Variants in RORA observed in about 807,000 individuals in gnomAD.
RORA encodes the protein nuclear receptor ROR-alpha.
A neutral mutation model predicts 69.5 loss-of-function variants in RORA; 7 were observed. The observed-to-expected ratio is 0.10, with a 90% confidence interval of 0.06 to 0.19. The LOEUF is 0.19. RORA is among the 10% of genes least tolerant of loss of function. RORA has a pLI of 1.00. For synonymous variants in RORA, 261 were observed against 240.8 expected (o/e 1.08, Z -0.78); for missense variants, 457 against 663.0 (o/e 0.69, Z 3.41).
At chr15:61,047,288 G>A (rs1018745711) in intron 1 of RORA, among the ~76,000 whole-genome samples, 5 of 152,236 alleles carry the variant, frequency 3.3e-5, no homozygotes, top group African/African-American at 1.2e-4. Flanking sequence ...TTGCCACACA[G>A]GATTAGGAAA....
At chr15:60,994,780 C>A (rs938158666) in intron 1 of RORA, among the ~76,000 whole-genome samples, 2 of 152,198 alleles carry the variant, frequency 1.3e-5, no homozygotes, top group South Asian at 4.1e-4. Flanking sequence ...TCTTTCAGGT[C>A]CTTCCATGCC....
chr15:61,124,972 A>G (rs2079131337), intron 1 of RORA, among the ~76,000 whole-genome samples: 1 of 152,140 alleles, frequency 6.6e-6, no homozygotes, highest in Non-Finnish European at 1.5e-5. Context: ...ACCCATTCTT[A>G]TTCCACCCCT....
chr15:61,093,724 C>T (rs1190370144), intron 1 of RORA, among the ~76,000 whole-genome samples: 1 of 152,150 alleles, frequency 6.6e-6, no homozygotes, highest in Non-Finnish European at 1.5e-5. Context: ...TTCTCATGAC[C>T]CATAACTCGA....
rs2141246298 is a variant in RORA, at chr15:60,497,272, A to C, written c.*183T>G. 1 of 555,402 alleles carries C rather than the reference A, an allele frequency of 1.8e-6. No homozygotes were observed. Among genetic ancestry groups the C allele is most frequent in the East Asian group, 2.9e-5 (1 of 34,498 alleles). The allele number at this position is 555,402 out of a possible 1,614,324, so 34.4% of individuals were successfully genotyped here. A position where few individuals can be genotyped will look rare whatever the true frequency, so the allele number is the denominator to read the frequency against. ...AATGGAAATCATATGCATGAGAAAAACAAGTTCAACTTTTATTTGTTTTCA... is the reference window on the plus strand; with the variant it reads ...AATGGAAATCATATGCATGAGAAAACCAAGTTCAACTTTTATTTGTTTTCA... On this transcript the variant is annotated 3_prime_UTR_variant, in exon 11 of 11. Transcript: ENST00000335670.
intron 2 of RORA, among the ~76,000 whole-genome samples, chr15:60,604,436 T>C (rs2068898744): frequency 6.6e-6 from 1 of 152,234 alleles, no homozygotes. Context: ...TGCCATTCTA[T>C]GGTCTAAGTT....
At chr15:60,547,165 A>G (rs975958768) in intron 2 of RORA, among the ~76,000 whole-genome samples, 7 of 152,276 alleles carry the variant, frequency 4.6e-5, no homozygotes, top group African/African-American at 1.7e-4. Flanking sequence ...TTTTCTTCCA[A>G]CAAATTCACT....
intron 2 of RORA, among the ~76,000 whole-genome samples, chr15:60,641,896 A>G (rs2069951275): frequency 6.6e-6 from 1 of 152,200 alleles, no homozygotes; most frequent in South Asian, 2.1e-4. Flanking sequence ...TATATTTTGC[A>G]TGTCAAGTAT....
intron 1 of RORA, among the ~76,000 whole-genome samples, chr15:60,895,392 G>A (rs1891203980): frequency 6.6e-6 from 1 of 152,180 alleles, no homozygotes; most frequent in African/African-American, 2.4e-5. Flanking sequence ...CTCCTTTAGA[G>A]CAAACCAAAG....
At chr15:60,741,614 T>G (rs1310956816) in intron 1 of RORA, among the ~76,000 whole-genome samples, 1 of 152,202 alleles carries the variant, frequency 6.6e-6, no homozygotes, top group Non-Finnish European at 1.5e-5. Context: ...GGTTTACACC[T>G]GGGCCATTAG....
At chr15:60,516,173 T>G (rs868248196) in intron 3 of RORA, among the ~76,000 whole-genome samples, 1 of 34,724 alleles carries the variant, frequency 2.9e-5, no homozygotes, top group Non-Finnish European at 5.1e-5. Flanking sequence ...ATATATATAT[T>G]TATATATATA....
At chr15:61,000,857 C>T (rs1894722576) in intron 1 of RORA, among the ~76,000 whole-genome samples, 1 of 152,298 alleles carries the variant, frequency 6.6e-6, no homozygotes, top group East Asian at 1.9e-4. Flanking sequence ...CAGCTTGTCA[C>T]TATCATGTGG....
intron 1 of RORA, among the ~76,000 whole-genome samples, chr15:60,894,752 G>T (rs1015366718): frequency 6.6e-6 from 1 of 152,188 alleles, no homozygotes; most frequent in African/African-American, 2.4e-5. Flanking sequence ...TGCTGGCCTG[G>T]GGAACCATGC....
At chr15:61,079,085 T>C (rs2078498350) in intron 1 of RORA, among the ~76,000 whole-genome samples, 1 of 152,002 alleles carries the variant, frequency 6.6e-6, no homozygotes, top group South Asian at 2.1e-4. Context: ...CAAAACTCCC[T>C]TACTAACCAA....
chr15:60,639,383 T>G (rs2069900618), intron 2 of RORA, among the ~76,000 whole-genome samples: 1 of 152,130 alleles, frequency 6.6e-6, no homozygotes, highest in African/African-American at 2.4e-5. Flanking sequence ...CCATCGAAGC[T>G]TCAACGGGAC....
intron 2 of RORA, among the ~76,000 whole-genome samples, chr15:60,590,163 C>T (rs867439992): frequency 7.1e-6 from 1 of 140,298 alleles, no homozygotes; most frequent in African/African-American, 2.8e-5. Context: ...CATTCTCTCT[C>T]CCTCTTCCTC....
chr15:60,821,819 C>T (rs532845585), intron 1 of RORA, among the ~76,000 whole-genome samples: 26 of 152,292 alleles, frequency 1.7e-4, no homozygotes, highest in South Asian at 1.2e-3. Context: ...TTTTATTAAT[C>T]CCATGTGAAT....
intron 1 of RORA, among the ~76,000 whole-genome samples, chr15:61,117,171 A>C (rs2079057933): frequency 7.1e-6 from 1 of 140,170 alleles, no homozygotes; most frequent in Non-Finnish European, 1.5e-5. Flanking sequence ...CTGGATGTTA[A>C]AAGTTACTTT....
chr15:61,219,455 G>C (rs1383822908), intron 1 of RORA, among the ~76,000 whole-genome samples: 1 of 152,144 alleles, frequency 6.6e-6, no homozygotes, highest in East Asian at 1.9e-4. Flanking sequence ...GGCGCCTATT[G>C]TTCCAGCTAT....
chr15:61,206,661 C>G (rs1242059628), intron 1 of RORA, among the ~76,000 whole-genome samples: 1 of 152,180 alleles, frequency 6.6e-6, no homozygotes, highest in Non-Finnish European at 1.5e-5. Context: ...AAAAATTTCA[C>G]CACTTTAAAG....
Sources: allele counts gnomAD v4.1 joint callset (sites outside exome capture counted in the v4.1 genomes callset), GRCh38; gene constraint gnomAD v4.1.1; transcripts MANE v1.5; gene names NCBI Gene and HGNC (gene_info 2026-07-23, HGNC 2026-07-21).